EIF4ENIF1: variants seen among roughly 807,000 people sequenced by gnomAD.
EIF4ENIF1 encodes eukaryotic translation initiation factor 4E transporter.
A neutral mutation model predicts 110.5 loss-of-function variants in EIF4ENIF1; 23 were observed. The observed-to-expected ratio is 0.21, with a 90% CI of 0.15 to 0.29. The LOEUF (loss-of-function observed/expected upper bound fraction) is 0.29. Ranked by LOEUF, EIF4ENIF1 falls within the 10% of genes least tolerant of loss-of-function variation. The pLI, the probability that EIF4ENIF1 is intolerant of heterozygous loss-of-function variation, is 1.00. For synonymous variants in EIF4ENIF1, 440 were observed against 437.0 expected, an observed-to-expected ratio of 1.01 and a Z score of -0.09; for missense variants, 1,031 against 1,221.1, an observed-to-expected ratio of 0.84 and a Z score of 2.32.
intron 4 of EIF4ENIF1, among the ~76,000 whole-genome samples, chr22:31,467,154 T>C (rs1389183695): frequency 1.3e-5 from 2 of 152,194 alleles, no homozygotes; most frequent in Non-Finnish European, 2.9e-5. Context: ...GATATTTAGG[T>C]TCCTTCTCAG....
At chr22:31,449,776 G>A (rs370640300) in intron 11 of EIF4ENIF1, among the ~76,000 whole-genome samples, 16 of 151,442 alleles carry the variant, frequency 1.1e-4, no homozygotes, top group African/African-American at 3.6e-4. Flanking sequence ...TATCACCCAG[G>A]CTGGAGTGCA....
At chr22:31,437,260 G>A (rs2050183921), downstream of EIF4ENIF1, 1 of 152,094 alleles carries the variant, frequency 6.6e-6, no homozygotes, top group Non-Finnish European at 1.5e-5. Flanking sequence ...TTACTTTCAG[G>A]ATGCCTTCTA....
chr22:31,451,083 G>A (rs142191319), intron 10 of EIF4ENIF1: 1,995 of 152,270 alleles, frequency 0.013, 20 homozygotes, highest in Admixed American at 0.028. Context: ...GTTTTGCCAC[G>A]TTGCCCAGGC....
At chr22:31,454,530 C>T in intron 9 of EIF4ENIF1, 154 bp from the exon 10 acceptor site, 2 of 658,406 alleles carry the variant, frequency 3.0e-6, no homozygotes, top group Non-Finnish European at 5.1e-6. Context: ...ACTAATAACA[C>T]TTAAAATCAA....
At chr22:31,459,083 AT>A (rs558303672) in intron 6 of EIF4ENIF1, among the ~76,000 whole-genome samples, 45 of 152,006 alleles carry the variant, frequency 3.0e-4, no homozygotes, top group Non-Finnish European at 5.7e-4. Flanking sequence ...GCACACCACC[AT>A]GCCTGGATAA....
rs1032052877 is a variant in EIF4ENIF1 at position 31,460,926 on chromosome 22, C to CA, written c.787+2005dup. On this transcript the variant is annotated intron_variant, in intron 6 of 18. Coordinates refer to ENST00000330125, the MANE Select transcript of EIF4ENIF1 (RefSeq NM_019843.4). The stretch of plus-strand genomic sequence containing the variant: ...TGCCACTGCACTCCAGCCTAGGCAA[C>CA]AAAGCAAGACTCCATCTCAAAACAA... Among the ~76,000 whole-genome samples the CA allele has an allele frequency of 4.0e-4, 61 of 152,048 alleles. No homozygotes were observed. The Middle Eastern group carries it at 9.5e-3, about 24-fold the overall frequency.
intron 15 of EIF4ENIF1, 26 bp downstream of exon 15, chr22:31,444,580 C>T (rs1316016847): frequency 1.2e-6 from 2 of 1,610,770 alleles, no homozygotes; most frequent in Non-Finnish European, 1.7e-6. Context: ...CCTTAAAGTC[C>T]TTCACAGTTA....
Position 31,463,140 on chromosome 22 carries a change from A to G in EIF4ENIF1, c.586-7T>C. On this transcript the variant is annotated splice_region_variant and splice_polypyrimidine_tract_variant and intron_variant, in intron 5 of 18. Transcript: ENST00000330125. ...TACTATCTCCAAACTCTCTCTGGAA[A>G]AGTACATAAAGCAAGATTAAAAAAT... 1 of 1,611,310 alleles carries G rather than the reference A, an allele frequency of 6.2e-7. No individual in the cohort carries two copies. Among genetic ancestry groups the G allele is most frequent in the Non-Finnish European group, 8.5e-7 (1 of 1,179,318 alleles).
rs192828025 is a variant in EIF4ENIF1 at position 31,445,809 on chromosome 22, A to G, written c.1989-1119T>C. ...AAGGCATGTTTGTTGGAGGGACACA[A>G]CTGTACACAGGGAGGACCTAAGAGG... On this transcript the variant is annotated intron_variant, in intron 14 of 18. Coordinates refer to ENST00000330125, the MANE Select transcript of EIF4ENIF1 (RefSeq NM_019843.4). Among the ~76,000 whole-genome samples the G allele has an allele frequency of 2.3e-3, 352 of 152,310 alleles. 1 individual carries two copies. The highest frequency in any genetic ancestry group is 4.0e-3 in the Non-Finnish European group (271 of 68,024).
Position 31,472,084 on chromosome 22 carries a change from G to A in EIF4ENIF1, c.97-167C>T, listed in dbSNP as rs935540726. On this transcript the variant is annotated intron_variant, in intron 2 of 18. Coordinates refer to ENST00000330125, the MANE Select transcript of EIF4ENIF1 (RefSeq NM_019843.4). ...CTGGAGTACATTGAGGTTCTCACAAGCTCAAGCAGAATAATCCAGTAACTT... is the reference window on the plus strand; with the variant it reads ...CTGGAGTACATTGAGGTTCTCACAAACTCAAGCAGAATAATCCAGTAACTT... Among the ~76,000 whole-genome samples, 5 of 152,150 alleles carry A rather than the reference G, an allele frequency of 3.3e-5. No homozygotes were observed. In the East Asian group the frequency reaches 7.7e-4, roughly 23 times the overall value.
intron 15 of EIF4ENIF1, chr22:31,443,561 T>C (rs1313743114): frequency 6.5e-6 from 1 of 154,122 alleles, no homozygotes; most frequent in Non-Finnish European, 1.4e-5. Flanking sequence ...TCTTACCTCT[T>C]CACTATTTCT....
intron 6 of EIF4ENIF1, among the ~76,000 whole-genome samples, chr22:31,462,652 T>C (rs1020519327): frequency 1.3e-5 from 2 of 152,088 alleles, no homozygotes; most frequent in African/African-American, 2.4e-5. Flanking sequence ...AGTGGTGTGA[T>C]AGCTCACTGC....
intron 4 of EIF4ENIF1, among the ~76,000 whole-genome samples, chr22:31,464,684 A>AG (rs1241993424): frequency 2.5e-5 from 1 of 40,766 alleles, no homozygotes; most frequent in African/African-American, 5.6e-5. Flanking sequence ...TCAAAAAAAA[A>AG]AAAAAAAAAA....
intron 15 of EIF4ENIF1, among the ~76,000 whole-genome samples, chr22:31,443,988 G>T (rs974045394): frequency 2.0e-5 from 3 of 152,020 alleles, no homozygotes; most frequent in African/African-American, 7.3e-5. Context: ...GGTAGAGACA[G>T]GGTCTCACTA....
chr22:31,445,987 T>C (rs1403870949), intron 14 of EIF4ENIF1, among the ~76,000 whole-genome samples: 2 of 140,630 alleles, frequency 1.4e-5, no homozygotes, highest in African/African-American at 5.3e-5. Flanking sequence ...AGGGTTGATA[T>C]GAAGATCATA....
chr22:31,450,884 CACACACACACA>C (rs2050647616), intron 10 of EIF4ENIF1: 1 of 160,276 alleles, frequency 6.2e-6, no homozygotes, highest in African/African-American at 2.6e-5. Context: ...CACACACACA[CACACACACACA>C]AAAGAGACAG....
chr22:31,450,801 TACAC>T lies in EIF4ENIF1; in HGVS notation c.1513-445_1513-442del, dbSNP rs771604500. 2.1e-3 allele frequency: 388 copies of T among 188,580 alleles called. 9 individuals are homozygous for T. The highest frequency in any genetic ancestry group is 0.02 in the Admixed American group (346 of 17,108). 11.7% of individuals were successfully genotyped at this position (188,580 alleles called of 1,614,324 possible). On this transcript the variant is annotated intron_variant, in intron 10 of 18. Transcript: ENST00000330125. ...ATACACACACATATACACATATACA[TACAC>T]ATACATATACACACATACATACACA...
At chr22:31,447,588 G>A in intron 13 of EIF4ENIF1, 23 bp from the exon 14 acceptor site, 1 of 1,586,308 alleles carries the variant, frequency 6.3e-7, no homozygotes, top group Non-Finnish European at 8.6e-7. Flanking sequence ...AGAGGGGAGG[G>A]TCAGGAGAAG....
At position 31,464,060 on chromosome 22, in the gene EIF4ENIF1, G is replaced by A. The variant is rs1367534006; in HGVS notation, c.299-93C>T. On this transcript the variant is annotated intron_variant, in intron 4 of 18. Transcript: ENST00000330125. ...ATGTCCATGACTGATGGGAGGAAGG[G>A]GATGGTTGGAAGAGAGTCACCACTA... 2.0e-6 allele frequency: 3 copies of A among 1,470,656 alleles called. No homozygotes were observed. In the African/African-American group the frequency reaches 4.2e-5, roughly 21 times the overall value. 91.1% of individuals were successfully genotyped at this position (1,470,656 alleles called of 1,614,324 possible). A position where few individuals can be genotyped will look rare whatever the true frequency, so the allele number is the denominator to read the frequency against.
Sources: gnomAD v4.1 joint callset for allele counts (sites outside exome capture counted in the v4.1 genomes callset) on GRCh38, gnomAD v4.1.1 for gene constraint, MANE v1.5 for transcripts, NCBI Gene and HGNC (gene_info 2026-07-23, HGNC 2026-07-21) for gene names.